Variants in PTPRM observed in about 807,000 individuals in gnomAD.
The protein encoded by PTPRM is protein tyrosine phosphatase receptor type M, also known as receptor-type tyrosine-protein phosphatase mu.
Under a neutral mutation model 186.7 loss-of-function variants are expected in PTPRM, and 47 were observed. That is an observed-to-expected ratio of 0.25 (90% CI 0.20 to 0.32). PTPRM has a LOEUF of 0.32. Ranked by LOEUF, PTPRM falls within the 10% of genes least tolerant of loss-of-function variation. The pLI is 1.00. For synonymous variants in PTPRM, 668 were observed against 674.9 expected (o/e 0.99, Z 0.16); for missense variants, 1,494 against 1,865.0 (o/e 0.80, Z 3.66).
At chr18:8,253,498 C>T in intron 19 of PTPRM, 84 bp downstream of exon 19, 1 of 1,213,740 alleles carries the variant, frequency 8.2e-7, no homozygotes, top group Non-Finnish European at 1.1e-6. Context: ...AATCAGAAAG[C>T]CAGAGAAAAC....
intron 8 of PTPRM, among the ~76,000 whole-genome samples, chr18:8,072,051 G>A (rs34818456): frequency 0.34 from 52,027 of 151,920 alleles, 9,877 homozygotes; most frequent in Non-Finnish European, 0.43. Flanking sequence ...TATGTTATTT[G>A]TATGTATTTT....
At chr18:7,890,042 A>G (rs1411520423) in intron 3 of PTPRM, among the ~76,000 whole-genome samples, 1 of 152,230 alleles carries the variant, frequency 6.6e-6, no homozygotes, top group Non-Finnish European at 1.5e-5. Context: ...ATCCTAACTT[A>G]GGATCAAAGT....
intron 12 of PTPRM, 25 bp downstream of exon 12, chr18:8,113,784 C>A: frequency 6.3e-7 from 1 of 1,587,600 alleles, no homozygotes. Flanking sequence ...TAACTGTTTA[C>A]TTAGGCTATT....
chr18:7,919,210 T>G (rs2050726523), intron 4 of PTPRM, among the ~76,000 whole-genome samples: 1 of 152,198 alleles, frequency 6.6e-6, no homozygotes. Context: ...ATACTACATT[T>G]TGAAATCAGG....
At position 7,578,528 on chromosome 18, in the gene PTPRM, G is replaced by A. The variant is rs551369250; in HGVS notation, c.73+10637G>A. 4.6e-5 allele frequency among the ~76,000 whole-genome samples: 7 copies of A among 151,968 alleles called. No individual in the cohort carries two copies. The East Asian group carries it at 9.7e-4, about 21-fold the overall frequency. On this transcript the variant is annotated intron_variant, in intron 1 of 32. Transcript: ENST00000580170. ...TTTTTTGTATTTTTAGTAGAGATGGGGTTTCACTGTGTTAGCCAGGATGGT... is the reference window on the plus strand; with the variant it reads ...TTTTTTGTATTTTTAGTAGAGATGGAGTTTCACTGTGTTAGCCAGGATGGT...
intron 5 of PTPRM, among the ~76,000 whole-genome samples, chr18:7,941,777 A>T (rs1054413744): frequency 6.6e-5 from 10 of 152,246 alleles, no homozygotes; most frequent in African/African-American, 2.4e-4. Context: ...CAGTTAGCCC[A>T]TCTTGTTCTC....
chr18:7,675,209 C>G (rs1420106736), intron 1 of PTPRM, among the ~76,000 whole-genome samples: 1 of 152,098 alleles, frequency 6.6e-6, no homozygotes, highest in African/African-American at 2.4e-5. Flanking sequence ...TTGGCGGAGT[C>G]CTTAGATCAG....
chr18:7,671,894 A>G (rs2039225264), intron 1 of PTPRM, among the ~76,000 whole-genome samples: 1 of 152,224 alleles, frequency 6.6e-6, no homozygotes, highest in African/African-American at 2.4e-5. Flanking sequence ...ATAAAAACTC[A>G]TTCCTACTTG....
intron 19 of PTPRM, among the ~76,000 whole-genome samples, chr18:8,273,887 C>T (rs1326444249): frequency 1.3e-5 from 2 of 152,182 alleles, no homozygotes; most frequent in East Asian, 3.8e-4. Context: ...CCATTTTCCT[C>T]TGCCCTTTGG....
intron 7 of PTPRM, among the ~76,000 whole-genome samples, chr18:7,969,599 G>A (rs1284399724): frequency 1.4e-5 from 2 of 142,108 alleles, no homozygotes; most frequent in Non-Finnish European, 3.0e-5. Flanking sequence ...GAATCAAATA[G>A]ACACAATAAA....
At chr18:7,960,480 T>TATGTATATATATACACAC (rs1300573371) in intron 7 of PTPRM, among the ~76,000 whole-genome samples, 1 of 86,602 alleles carries the variant, frequency 1.2e-5, no homozygotes, top group African/African-American at 4.4e-5. Context: ...TATATATATA[T>TATGTATATATATACACAC]ACACACACAC....
rs56724615 is a variant in PTPRM at position 7,884,924 on chromosome 18, CAAAAAAA to C, written c.197-3161_197-3155del. 1.3e-3 allele frequency among the ~76,000 whole-genome samples: 51 copies of C among 37,842 alleles called. No homozygotes were observed. The East Asian group carries it at 0.025, about 18-fold the overall frequency. The allele number at this position is 37,842 out of a possible 152,430, so 24.8% of individuals were successfully genotyped here. On this transcript the variant is annotated intron_variant, in intron 2 of 32. Transcript: ENST00000580170. ...GGGCGACGAGAGCAAAGCTCCATCT[CAAAAAAA>C]AAAAAAAAAAAAAAAAAAAAGGAGA...
intron 4 of PTPRM, among the ~76,000 whole-genome samples, chr18:7,923,109 G>A (rs2050963950): frequency 6.6e-6 from 1 of 152,174 alleles, no homozygotes; most frequent in African/African-American, 2.4e-5. Flanking sequence ...CTTCAGCACA[G>A]GCTCAGAACT....
chr18:8,243,530 T>C (rs900713776), intron 14 of PTPRM, among the ~76,000 whole-genome samples: 15 of 152,238 alleles, frequency 9.9e-5, no homozygotes, highest in African/African-American at 2.2e-4. Context: ...GCTCCCTGTA[T>C]GAACATACTC....
chr18:7,635,978 T>C (rs548069455), intron 1 of PTPRM, among the ~76,000 whole-genome samples: 243 of 152,364 alleles, frequency 1.6e-3, no homozygotes, highest in African/African-American at 5.3e-3. Context: ...AATGACTTAT[T>C]TGGCCATTTG....
intron 7 of PTPRM, among the ~76,000 whole-genome samples, chr18:7,974,144 G>T (rs2147346018): frequency 6.6e-6 from 1 of 152,254 alleles, no homozygotes; most frequent in African/African-American, 2.4e-5. Flanking sequence ...CAGCTAAAAA[G>T]GCAGCTGCTA....
intron 20 of PTPRM, among the ~76,000 whole-genome samples, chr18:8,307,708 AGAG>A (rs1185837362): frequency 1.3e-5 from 2 of 151,986 alleles, no homozygotes; most frequent in Non-Finnish European, 2.9e-5. Flanking sequence ...AAAGGCTGAG[AGAG>A]GAGAATTGCT....
At chr18:8,290,662 G>T (rs56406325) in intron 19 of PTPRM, among the ~76,000 whole-genome samples, 1 of 152,074 alleles carries the variant, frequency 6.6e-6, no homozygotes, top group Non-Finnish European at 1.5e-5. Flanking sequence ...GAAGTCATTG[G>T]TATTCACTGG....
chr18:8,401,369 G>T (rs2095871264), intron 32 of PTPRM, among the ~76,000 whole-genome samples: 1 of 152,232 alleles, frequency 6.6e-6, no homozygotes, highest in Non-Finnish European at 1.5e-5. Context: ...CTGTCTCGCT[G>T]AGCAGGGATG....
Sources: allele counts gnomAD v4.1 joint callset (sites outside exome capture counted in the v4.1 genomes callset), GRCh38; gene constraint gnomAD v4.1.1; transcripts MANE v1.5; gene names NCBI Gene and HGNC (gene_info 2026-07-23, HGNC 2026-07-21).